TEAD1: variants seen among roughly 807,000 people sequenced by gnomAD.
TEAD1 encodes TEA domain transcription factor 1.
In TEAD1, 9 loss-of-function variants were observed where a neutral mutation model predicts 54.9. That is an observed-to-expected ratio of 0.16 (90% CI 0.10 to 0.29). TEAD1 has a LOEUF of 0.29. TEAD1 is among the 10% of genes least tolerant of loss of function. The pLI is 1.00. For missense variants in TEAD1, 387 were observed against 535.9 expected, an observed-to-expected ratio of 0.72 and a Z score of 2.74; for synonymous variants, 200 against 187.8, an observed-to-expected ratio of 1.07 and a Z score of -0.53.
chr11:12,679,572 T>C (rs1248592934), intron 2 of TEAD1, among the ~76,000 whole-genome samples: 1 of 152,198 alleles, frequency 6.6e-6, no homozygotes, highest in African/African-American at 2.4e-5. Flanking sequence ...TGGTGGGAAA[T>C]GTTAATTATG....
intron 10 of TEAD1, among the ~76,000 whole-genome samples, chr11:12,913,726 A>G (rs1283436119): frequency 6.6e-6 from 1 of 152,236 alleles, no homozygotes. Flanking sequence ...ATATATGTTC[A>G]TATGTACTGA....
intron 3 of TEAD1, among the ~76,000 whole-genome samples, chr11:12,839,719 G>A (rs983631109): frequency 6.6e-6 from 1 of 152,118 alleles, no homozygotes; most frequent in African/African-American, 2.4e-5. Context: ...CACTAACTTC[G>A]CGTAATGGAA....
chr11:12,920,897 A>AT (rs1948793183), intron 10 of TEAD1, among the ~76,000 whole-genome samples: 1 of 152,244 alleles, frequency 6.6e-6, no homozygotes, highest in Non-Finnish European at 1.5e-5. Context: ...GTGCCATAGA[A>AT]TAGTGTGCAG....
At chr11:12,906,483 G>A (rs1948522746) in intron 10 of TEAD1, among the ~76,000 whole-genome samples, 1 of 151,298 alleles carries the variant, frequency 6.6e-6, no homozygotes, top group Non-Finnish European at 1.5e-5. Flanking sequence ...GGAGGTTGCA[G>A]TGAGCCAAAG....
intron 2 of TEAD1, among the ~76,000 whole-genome samples, chr11:12,746,871 G>C (rs1238429923): frequency 6.6e-6 from 1 of 152,270 alleles, no homozygotes; most frequent in Admixed American, 6.5e-5. Flanking sequence ...TGGGCAGGCT[G>C]CAGCAGGGGC....
chr11:12,877,041 GTTTCAAATC>G (rs1297729034), intron 5 of TEAD1, among the ~76,000 whole-genome samples: 2 of 152,058 alleles, frequency 1.3e-5, no homozygotes, highest in African/African-American at 4.8e-5. Context: ...TATCTGACAT[GTTTCAAATC>G]TTAAAAAAAA....
At chr11:12,861,586 G>C (rs73427660) in intron 3 of TEAD1, among the ~76,000 whole-genome samples, 5,210 of 152,286 alleles carry the variant, frequency 0.034, 325 homozygotes, top group African/African-American at 0.12. Context: ...AAGACTAGAA[G>C]AGAACTGGGT....
intron 2 of TEAD1, among the ~76,000 whole-genome samples, chr11:12,741,552 T>G (rs1041656457): frequency 6.6e-6 from 1 of 152,352 alleles, no homozygotes. Context: ...TTTGCCATTT[T>G]TCTCCCTCCT....
At chr11:12,872,627 G>A (rs114250347) in intron 5 of TEAD1, among the ~76,000 whole-genome samples, 5,591 of 152,262 alleles carry the variant, frequency 0.037, 302 homozygotes, top group African/African-American at 0.12. Context: ...AGATAATTCT[G>A]TGTGAACTGA....
At chr11:12,708,925 G>C (rs940912623) in intron 2 of TEAD1, among the ~76,000 whole-genome samples, 1 of 152,126 alleles carries the variant, frequency 6.6e-6, no homozygotes, top group African/African-American at 2.4e-5. Context: ...CATTAATTTT[G>C]GGAGGAAGAA....
At position 12,689,791 on chromosome 11, in the gene TEAD1, T is replaced by C. The variant is rs112701857; in HGVS notation, c.-55+14230T>C. Among the ~76,000 whole-genome samples the C allele has an allele frequency of 5.4e-3, 823 of 152,246 alleles. 2 individuals are homozygous for C. The highest frequency in any genetic ancestry group is 7.8e-3 in the Non-Finnish European group (534 of 68,026). On this transcript the variant is annotated intron_variant, in intron 2 of 12. Coordinates refer to ENST00000527636, the MANE Select transcript of TEAD1 (RefSeq NM_021961.6). ...GCAATCATCACCTCATGGCTATTCTTGTAAACTCCTGGCTCCTCTCCCACC... is the reference window on the plus strand; with the variant it reads ...GCAATCATCACCTCATGGCTATTCTCGTAAACTCCTGGCTCCTCTCCCACC...
At chr11:12,883,749 C>T (rs1466146305) in intron 9 of TEAD1, among the ~76,000 whole-genome samples, 2 of 152,128 alleles carry the variant, frequency 1.3e-5, no homozygotes, top group Non-Finnish European at 2.9e-5. Context: ...CATGGTGGCT[C>T]ACGCCTGTAA....
chr11:12,904,331 A>G (rs1484073986), intron 10 of TEAD1, among the ~76,000 whole-genome samples: 1 of 152,250 alleles, frequency 6.6e-6, no homozygotes, highest in Non-Finnish European at 1.5e-5. Context: ...GGGCTTTCAA[A>G]TGAAAATTAG....
intron 9 of TEAD1, among the ~76,000 whole-genome samples, chr11:12,883,993 CAAAA>C (rs11316523): frequency 7.8e-6 from 1 of 128,408 alleles, no homozygotes. Context: ...GACTCCGTCT[CAAAA>C]AAAAAAAAAA....
At chr11:12,892,074 T>C (rs1270437365) in intron 9 of TEAD1, among the ~76,000 whole-genome samples, 6 of 152,244 alleles carry the variant, frequency 3.9e-5, no homozygotes, top group African/African-American at 1.2e-4. Context: ...GGAAGGTCTG[T>C]AAATATATCC....
chr11:12,852,599 C>T (rs1383673734), intron 3 of TEAD1, among the ~76,000 whole-genome samples: 2 of 152,052 alleles, frequency 1.3e-5, no homozygotes, highest in African/African-American at 4.8e-5. Flanking sequence ...AGGTGTGTGC[C>T]ACCACGTCAG....
chr11:12,823,611 A>G (rs1346052981), intron 3 of TEAD1: 2 of 152,146 alleles, frequency 1.3e-5, no homozygotes, highest in Admixed American at 6.5e-5. Context: ...TGCTTCCTTG[A>G]TGTGAATAAT....
intron 2 of TEAD1, among the ~76,000 whole-genome samples, chr11:12,749,437 AT>A (rs1038541684): frequency 6.6e-6 from 1 of 152,102 alleles, no homozygotes; most frequent in Non-Finnish European, 1.5e-5. Flanking sequence ...CCCTAAAGAA[AT>A]TTGTGTGTGT....
In TEAD1 at chr11:12,903,760, T is replaced by C. The variant is rs1002810818; in HGVS notation, c.873+1647T>C. On this transcript the variant is annotated intron_variant, in intron 10 of 12. Coordinates refer to ENST00000527636, the MANE Select transcript of TEAD1 (RefSeq NM_021961.6). ...CCAGGAGGTCGAAGCTGCACTGAGC[T>C]ATGATTGTGCCCCTGCACTCCAGCC... 5.9e-5 allele frequency among the ~76,000 whole-genome samples: 9 copies of C among 152,294 alleles called. No homozygotes were observed. The South Asian group carries it at 1.9e-3, about 32-fold the overall frequency.
Sources: gnomAD v4.1 joint callset for allele counts (sites outside exome capture counted in the v4.1 genomes callset) on GRCh38, gnomAD v4.1.1 for gene constraint, MANE v1.5 for transcripts, NCBI Gene and HGNC (gene_info 2026-07-23, HGNC 2026-07-21) for gene names.